Variants in SAMD8 observed in about 807,000 individuals in gnomAD.
The protein encoded by SAMD8 is sphingomyelin synthase-related protein 1.
In SAMD8, 20 loss-of-function variants were observed where a neutral mutation model predicts 42.0. The observed-to-expected ratio is 0.48, with a 90% CI of 0.34 to 0.69. The LOEUF is 0.69. Ranked by LOEUF, SAMD8 falls within the 30% of genes least tolerant of loss-of-function variation. The probability of loss-of-function intolerance (pLI) is 0.01; values close to 1 mark genes in which losing one functional copy is unlikely to be tolerated. For missense variants in SAMD8, 328 were observed against 511.6 expected (o/e 0.64, Z 3.46); for synonymous variants, 162 against 173.0 (o/e 0.94, Z 0.50).
chr10:75,115,190 A>G (rs150622700), intron 1 of SAMD8, among the ~76,000 whole-genome samples: 82 of 152,264 alleles, frequency 5.4e-4, no homozygotes, highest in Admixed American at 1.6e-3. Flanking sequence ...ACTTGCTTAC[A>G]TGTGATTTTG....
intron 2 of SAMD8, among the ~76,000 whole-genome samples, chr10:75,162,643 C>T (rs1462952686): frequency 1.6e-5 from 2 of 122,220 alleles, no homozygotes; most frequent in East Asian, 6.0e-4. Flanking sequence ...GAGTGAAACT[C>T]CGTCTCAAAA....
chr10:75,128,055 AT>A (rs922057955), intron 1 of SAMD8, among the ~76,000 whole-genome samples: 30 of 135,844 alleles, frequency 2.2e-4, no homozygotes, highest in African/African-American at 7.6e-4. Context: ...TCTGGCTCTG[AT>A]TTTTTTTTCT....
intron 4 of SAMD8, among the ~76,000 whole-genome samples, chr10:75,170,216 A>G (rs1047923087): frequency 2.0e-5 from 3 of 152,204 alleles, no homozygotes; most frequent in African/African-American, 7.2e-5. Flanking sequence ...AAAGAACTCT[A>G]CTTTTCTAGG....
chr10:75,148,393 G>A (rs867095170), intron 1 of SAMD8, among the ~76,000 whole-genome samples: 1 of 125,472 alleles, frequency 8.0e-6, no homozygotes, highest in Non-Finnish European at 1.6e-5. Context: ...TTGCTCTGTC[G>A]CCCAGGCTGG....
At chr10:75,162,944 A>G (rs1293941078) in intron 2 of SAMD8, among the ~76,000 whole-genome samples, 2 of 151,474 alleles carry the variant, frequency 1.3e-5, no homozygotes, top group Non-Finnish European at 2.9e-5. Flanking sequence ...TTTTTTTTTG[A>G]AACAGAGTCT....
chr10:75,139,261 C>T (rs2134458026), intron 1 of SAMD8, among the ~76,000 whole-genome samples: 1 of 152,098 alleles, frequency 6.6e-6, no homozygotes, highest in South Asian at 2.1e-4. Context: ...GGGTCACCAC[C>T]CATTAACATT....
upstream of SAMD8, chr10:75,108,026 A>T: frequency 3.1e-6 from 5 of 1,613,588 alleles, no homozygotes; most frequent in Non-Finnish European, 3.4e-6. Flanking sequence ...GGATGAAGTC[A>T]GCCGCAGAGG....
chr10:75,102,497 A>G (rs1338143256), intron 1 of SAMD8, among the ~76,000 whole-genome samples: 5 of 152,202 alleles, frequency 3.3e-5, no homozygotes, highest in African/African-American at 1.2e-4. Flanking sequence ...GAGAAGGAAG[A>G]TCAAATAAAC....
At chr10:75,105,005 C>A (rs1198163585) in intron 1 of SAMD8, among the ~76,000 whole-genome samples, 1 of 152,164 alleles carries the variant, frequency 6.6e-6, no homozygotes, top group African/African-American at 2.4e-5. Context: ...AAATGGCAGC[C>A]CGTCTGTGGC....
At chr10:75,140,311 G>A (rs1027691720) in intron 1 of SAMD8, among the ~76,000 whole-genome samples, 1 of 152,102 alleles carries the variant, frequency 6.6e-6, no homozygotes, top group Admixed American at 6.6e-5. Flanking sequence ...TGCCATATTG[G>A]CCAGGCTGGT....
chr10:75,143,676 C>CT (rs1218543216), intron 1 of SAMD8, among the ~76,000 whole-genome samples: 1 of 151,648 alleles, frequency 6.6e-6, no homozygotes, highest in Non-Finnish European at 1.5e-5. Flanking sequence ...TCTCTTTTTG[C>CT]TTTTAAGATT....
At chr10:75,172,607 C>G (rs180774556) in intron 4 of SAMD8, among the ~76,000 whole-genome samples, 6 of 152,074 alleles carry the variant, frequency 3.9e-5, no homozygotes, top group African/African-American at 1.4e-4. Flanking sequence ...AAGGGATTCT[C>G]CTGTCTCAGC....
At position 75,182,047 on chromosome 10, in the gene SAMD8, A is replaced by C. The variant is rs1221382711; in HGVS notation, c.*5355A>C. ...TGATTCTAAATTAAATCCAGATTTA[A>C]CTAATATATATTATTTTATATCTTT... On this transcript the variant is annotated 3_prime_UTR_variant, in exon 6 of 6. Coordinates refer to ENST00000542569, the MANE Select transcript of SAMD8 (RefSeq NM_001174156.2). 1 of 152,224 alleles carries C rather than the reference A, an allele frequency of 6.6e-6. No individual in the cohort carries two copies. The highest frequency in any genetic ancestry group is 1.5e-5 in the Non-Finnish European group (1 of 68,050). 9.4% of individuals were successfully genotyped at this position (152,224 alleles called of 1,614,324 possible). A position where few individuals can be genotyped will look rare whatever the true frequency, so the allele number is the denominator to read the frequency against.
At chr10:75,109,082 C>T, upstream of SAMD8, 1 of 1,612,458 alleles carries the variant, frequency 6.2e-7, no homozygotes, top group Non-Finnish European at 8.5e-7. Flanking sequence ...CGCAGGAGCT[C>T]CTCCAGCTCC....
At position 75,133,118 on chromosome 10, in the gene SAMD8, A is replaced by G. The variant is rs527561512; in HGVS notation, c.-15-17396A>G. On this transcript the variant is annotated intron_variant, in intron 1 of 5. Transcript: ENST00000542569. ...GAAGGTTCCTCAAAAATTAAAATAG[A>G]GGCTGGGTGTGGTGACTCACGCCTG... Among the ~76,000 whole-genome samples, 254 of 151,662 alleles carry G rather than the reference A, an allele frequency of 1.7e-3. 1 individual carries two copies. Among genetic ancestry groups the G allele is most frequent in the Non-Finnish European group, 3.1e-3 (211 of 67,864 alleles).
At chr10:75,101,840 C>G (rs745767593) in intron 1 of SAMD8, 19 of 1,356,716 alleles carry the variant, frequency 1.4e-5, no homozygotes, top group Middle Eastern at 3.0e-4. Context: ...ACATCCTACC[C>G]CCCCCAAATT....
At chr10:75,156,978 T>C (rs1482539411) in intron 2 of SAMD8, among the ~76,000 whole-genome samples, 1 of 152,144 alleles carries the variant, frequency 6.6e-6, no homozygotes, top group Non-Finnish European at 1.5e-5. Context: ...AGGATATCCT[T>C]GTTCCTAGAG....
chr10:75,116,852 C>T lies in SAMD8; in HGVS notation c.-16+5130C>T, dbSNP rs537631819. 2.0e-5 allele frequency among the ~76,000 whole-genome samples: 3 copies of T among 152,126 alleles called. No homozygotes were observed. The East Asian group carries it at 5.8e-4, about 30-fold the overall frequency. ...TAGAGACAGAGTCTCACTTCGTTGCCGAAGCCTGGTGCAGTGGCGTGATGT... is the reference window on the plus strand; with the variant it reads ...TAGAGACAGAGTCTCACTTCGTTGCTGAAGCCTGGTGCAGTGGCGTGATGT... On this transcript the variant is annotated intron_variant, in intron 1 of 5. Coordinates refer to ENST00000542569, the MANE Select transcript of SAMD8 (RefSeq NM_001174156.2).
chr10:75,116,770 T>C (rs1157535223), intron 1 of SAMD8, among the ~76,000 whole-genome samples: 2 of 152,210 alleles, frequency 1.3e-5, no homozygotes, highest in Non-Finnish European at 2.9e-5. Context: ...TTGAGCCAGT[T>C]TCTCATTTTC....
Sources: gnomAD v4.1 joint callset for allele counts (sites outside exome capture counted in the v4.1 genomes callset) on GRCh38, gnomAD v4.1.1 for gene constraint, MANE v1.5 for transcripts, NCBI Gene and HGNC (gene_info 2026-07-23, HGNC 2026-07-21) for gene names.